Variants in NPAS3 observed in about 807,000 individuals in gnomAD.
NPAS3 encodes the protein neuronal PAS domain protein 3.
Under a neutral mutation model 73.1 loss-of-function variants are expected in NPAS3, and 14 were observed. That is an observed-to-expected ratio of 0.19 (90% CI 0.13 to 0.30). The LOEUF (loss-of-function observed/expected upper bound fraction) is 0.30. Among genes scored for constraint, NPAS3 ranks in the 10% least tolerant of loss-of-function variants. NPAS3 has a pLI of 1.00. For missense variants in NPAS3, 1,096 were observed against 1,250.0 expected (o/e 0.88, Z 1.86); for synonymous variants, 620 against 541.5 (o/e 1.14, Z -2.01).
intron 4 of NPAS3, among the ~76,000 whole-genome samples, chr14:33,391,383 G>A (rs771375619): frequency 6.6e-5 from 10 of 151,868 alleles, no homozygotes; most frequent in Admixed American, 1.3e-4. Context: ...AGTAGAGATG[G>A]GGTTTCTCTA....
At chr14:33,264,216 G>A (rs2049084928) in intron 3 of NPAS3, among the ~76,000 whole-genome samples, 1 of 151,538 alleles carries the variant, frequency 6.6e-6, no homozygotes, top group Admixed American at 6.6e-5. Flanking sequence ...GGTGAGAATT[G>A]AACAGTGAGA....
At chr14:33,328,918 A>G (rs942657862) in intron 3 of NPAS3, among the ~76,000 whole-genome samples, 3 of 152,140 alleles carry the variant, frequency 2.0e-5, no homozygotes, top group Non-Finnish European at 4.4e-5. Context: ...TACTCCTCTC[A>G]GAATTGTTTG....
At chr14:33,258,788 AT>A (rs1298294377) in intron 3 of NPAS3, among the ~76,000 whole-genome samples, 4 of 152,040 alleles carry the variant, frequency 2.6e-5, no homozygotes, top group Non-Finnish European at 5.9e-5. Context: ...GAAAATACTC[AT>A]TTTTATCATA....
intron 5 of NPAS3, among the ~76,000 whole-genome samples, chr14:33,665,937 G>C (rs1467949665): frequency 6.6e-6 from 1 of 152,118 alleles, no homozygotes; most frequent in African/African-American, 2.4e-5. Context: ...AAAATCATGG[G>C]TCCAGAGCTT....
chr14:33,685,779 C>A (rs936946350), intron 6 of NPAS3, among the ~76,000 whole-genome samples: 1 of 152,130 alleles, frequency 6.6e-6, no homozygotes, highest in African/African-American at 2.4e-5. Context: ...TATGTTCCAG[C>A]TACAGGAGTG....
intron 5 of NPAS3, among the ~76,000 whole-genome samples, chr14:33,666,847 A>G (rs908962385): frequency 2.3e-4 from 35 of 152,176 alleles, no homozygotes; most frequent in African/African-American, 8.2e-4. Context: ...CTTTTATTCC[A>G]TAGACATTTC....
intron 1 of NPAS3, among the ~76,000 whole-genome samples, chr14:33,032,993 C>T (rs9322914): frequency 0.15 from 23,052 of 152,074 alleles, 2,098 homozygotes; most frequent in East Asian, 0.29. Context: ...GGTCCCCAAA[C>T]AGTTTCAGCT....
chr14:33,579,986 A>G (rs930334275), intron 5 of NPAS3, among the ~76,000 whole-genome samples: 1 of 152,160 alleles, frequency 6.6e-6, no homozygotes, highest in African/African-American at 2.4e-5. Flanking sequence ...TTGAAGTTAC[A>G]TTTACATTTT....
At chr14:33,344,168 T>C (rs1404843287) in intron 3 of NPAS3, among the ~76,000 whole-genome samples, 1 of 152,206 alleles carries the variant, frequency 6.6e-6, no homozygotes, top group Non-Finnish European at 1.5e-5. Flanking sequence ...GATGATTTTC[T>C]TTGCAAAGGA....
chr14:33,563,527 C>CAA, intron 5 of NPAS3, among the ~76,000 whole-genome samples: 1 of 127,682 alleles, frequency 7.8e-6, no homozygotes, highest in African/African-American at 3.5e-5. Context: ...TACACACACA[C>CAA]ACACACACAC....
At chr14:33,689,688 G>A (rs1171993469) in intron 6 of NPAS3, among the ~76,000 whole-genome samples, 2 of 152,134 alleles carry the variant, frequency 1.3e-5, no homozygotes, top group African/African-American at 4.8e-5. Context: ...TACTCTTCTG[G>A]AAACTGATAA....
At chr14:33,467,236 T>C (rs1328020376) in intron 4 of NPAS3, among the ~76,000 whole-genome samples, 1 of 152,220 alleles carries the variant, frequency 6.6e-6, no homozygotes, top group Non-Finnish European at 1.5e-5. Flanking sequence ...GGGATTTTGA[T>C]GCCCAGATTC....
chr14:33,491,908 G>A (rs974979056), intron 4 of NPAS3, among the ~76,000 whole-genome samples: 3 of 152,158 alleles, frequency 2.0e-5, no homozygotes, highest in Non-Finnish European at 4.4e-5. Flanking sequence ...TGTATGGTAT[G>A]TGCAGACAAA....
intron 4 of NPAS3, among the ~76,000 whole-genome samples, chr14:33,454,760 T>C (rs1566918091): frequency 6.6e-6 from 1 of 152,196 alleles, no homozygotes; most frequent in Non-Finnish European, 1.5e-5. Flanking sequence ...CTATTACTGA[T>C]TCTGCCTTAG....
intron 11 of NPAS3, among the ~76,000 whole-genome samples, chr14:33,799,401 G>T (rs1256154151): frequency 6.6e-6 from 1 of 152,142 alleles, no homozygotes; most frequent in Non-Finnish European, 1.5e-5. Flanking sequence ...ATGTGCCTGA[G>T]AATCACCTGG....
intron 2 of NPAS3, among the ~76,000 whole-genome samples, chr14:33,201,041 A>G (rs1456196041): frequency 1.3e-5 from 2 of 152,236 alleles, no homozygotes; most frequent in Non-Finnish European, 2.9e-5. Context: ...CTCTTCTTAC[A>G]TATATGAATT....
chr14:33,609,935 T>G (rs1264089261), intron 5 of NPAS3, among the ~76,000 whole-genome samples: 2 of 152,162 alleles, frequency 1.3e-5, no homozygotes, highest in Non-Finnish European at 2.9e-5. Context: ...ATTTGTTTAT[T>G]TAAGTCTTTA....
At chr14:33,693,565 C>G (rs987196117) in intron 6 of NPAS3, among the ~76,000 whole-genome samples, 6 of 152,128 alleles carry the variant, frequency 3.9e-5, no homozygotes, top group Admixed American at 2.0e-4. Context: ...CCAGCCATTT[C>G]TATCAAAATG....
At chr14:33,461,342 C>T (rs972288328) in intron 4 of NPAS3, among the ~76,000 whole-genome samples, 1 of 152,112 alleles carries the variant, frequency 6.6e-6, no homozygotes, top group East Asian at 1.9e-4. Flanking sequence ...TGATTCCTGT[C>T]AAAATCATTT....
Sources: gnomAD v4.1 joint callset for allele counts (sites outside exome capture counted in the v4.1 genomes callset) on GRCh38, gnomAD v4.1.1 for gene constraint, MANE v1.5 for transcripts, NCBI Gene and HGNC (gene_info 2026-07-23, HGNC 2026-07-21) for gene names.